The following CC2D2A variants were observed in gnomAD, a reference collection of about 807,000 sequenced individuals.
CC2D2A encodes the protein coiled-coil and C2 domain-containing protein 2A.
A neutral mutation model predicts 212.9 loss-of-function variants in CC2D2A; 155 were observed. The observed-to-expected ratio is 0.73, with a 90% CI of 0.64 to 0.83. The LOEUF (loss-of-function observed/expected upper bound fraction) is 0.83, where lower values mean the gene tolerates loss of function less well. Ranked by LOEUF, CC2D2A falls within the 40% of genes least tolerant of loss-of-function variation. The probability of loss-of-function intolerance (pLI) is 0.00; values close to 1 mark genes in which losing one functional copy is unlikely to be tolerated. For missense variants in CC2D2A, 1,856 were observed against 1,956.2 expected, an observed-to-expected ratio of 0.95 and a Z score of 0.97; for synonymous variants, 667 against 686.5, an observed-to-expected ratio of 0.97 and a Z score of 0.44.
chr4:15,493,245 A>ATTAT (rs58220743), intron 4 of CC2D2A, among the ~76,000 whole-genome samples: 11,337 of 148,282 alleles, frequency 0.076, 753 homozygotes, highest in East Asian at 0.26. Flanking sequence ...CACTTTATTT[A>ATTAT]TTATTTATTT....
intron 3 of CC2D2A, chr4:15,479,071 G>C (rs1276713986): frequency 2.9e-6 from 2 of 699,428 alleles, no homozygotes; most frequent in Non-Finnish European, 5.1e-6. Context: ...CATCTCCTGA[G>C]AGAGGACTCT....
chr4:15,599,875 T>C (rs1721505650), intron 36 of CC2D2A, among the ~76,000 whole-genome samples, 169 bp downstream of exon 36: 2 of 152,122 alleles, frequency 1.3e-5, no homozygotes, highest in Admixed American at 1.3e-4. Flanking sequence ...TCAATAATCA[T>C]GAAATAGCAA....
intron 33 of CC2D2A, among the ~76,000 whole-genome samples, chr4:15,595,468 C>A (rs781198495): frequency 3.9e-5 from 6 of 152,158 alleles, no homozygotes; most frequent in Admixed American, 6.5e-5. Context: ...AGGCATTTTT[C>A]TAAGAGGTAC....
rs1008514114 is a variant in CC2D2A, at chr4:15,536,996, G to A, written c.1684G>A (p.Glu562Lys). The A allele has an allele frequency of 2.4e-5, 39 of 1,613,682 alleles. No homozygotes were observed. Among genetic ancestry groups the A allele is most frequent in the Non-Finnish European group, 3.1e-5 (37 of 1,179,772 alleles). The stretch of plus-strand genomic sequence containing the variant: ...AGCTGAAATAAGTGAACTGTTAGAA[G>A]AGCACACGGAGGAGTACGCACAGAA... ...IQAEISELLE[E>K]HTEEYAQKME... is the part of the protein sequence containing the mutation. Residue 562 changes from glutamate (E) to lysine (K), a missense_variant, in exon 15 of 37, where the codon GAG becomes AAG. By Grantham distance (56) the Glu-to-Lys change is moderately conservative. Transcript: ENST00000424120.
At chr4:15,581,013 C>T (rs1720637432) in intron 30 of CC2D2A, among the ~76,000 whole-genome samples, 1 of 152,200 alleles carries the variant, frequency 6.6e-6, no homozygotes, top group Admixed American at 6.5e-5. Flanking sequence ...ATACCCATCA[C>T]AAACTTGTGT....
intron 17 of CC2D2A, among the ~76,000 whole-genome samples, chr4:15,545,001 T>C (rs572883098): frequency 1.3e-5 from 2 of 152,346 alleles, no homozygotes; most frequent in South Asian, 2.1e-4. Flanking sequence ...TCTTAAGCTA[T>C]TTAAAGGGAT....
rs112500508 is a variant in CC2D2A, at chr4:15,482,699, C to A, written c.247+1872C>A. Among the ~76,000 whole-genome samples, 905 of 152,208 alleles carry A rather than the reference C, an allele frequency of 5.9e-3. 10 individuals carry two copies. The highest frequency in any genetic ancestry group is 0.021 in the African/African-American group (859 of 41,510). On this transcript the variant is annotated intron_variant, in intron 4 of 36. Transcript: ENST00000424120. ...AACATACAGATTTTCAGAGGGGGGACACAATTCAGTCCTTAGCACAACTAC... is the reference window on the plus strand; with the variant it reads ...AACATACAGATTTTCAGAGGGGGGAAACAATTCAGTCCTTAGCACAACTAC...
intron 33 of CC2D2A, among the ~76,000 whole-genome samples, chr4:15,591,509 G>A (rs557933110): frequency 5.3e-5 from 8 of 152,230 alleles, no homozygotes; most frequent in Admixed American, 1.3e-4. Context: ...GTGAGCCACC[G>A]TGCCCAGCCC....
intron 24 of CC2D2A, 72 bp downstream of exon 24, chr4:15,563,594 T>C: frequency 6.8e-7 from 1 of 1,472,100 alleles, no homozygotes; most frequent in Non-Finnish European, 9.3e-7. Flanking sequence ...CTTTACAGCA[T>C]ACTCACTCTC....
At chr4:15,474,059 G>A (rs2108963089) in intron 1 of CC2D2A, among the ~76,000 whole-genome samples, 1 of 152,266 alleles carries the variant, frequency 6.6e-6, no homozygotes, top group African/African-American at 2.4e-5. Flanking sequence ...CATGCAGATG[G>A]TATTTAAAAC....
Position 15,560,429 on chromosome 4 carries a change from G to C in CC2D2A, c.2923-102G>C, listed in dbSNP as rs1461517974. ...AAAGTAACAGTTGGGCTGGAGGACT[G>C]GGGGGACACTGAGATGACATTAGGG... On this transcript the variant is annotated intron_variant, in intron 22 of 36. Coordinates refer to ENST00000424120, the MANE Select transcript of CC2D2A (RefSeq NM_001378615.1). The C allele has an allele frequency of 5.0e-5, 31 of 614,070 alleles. 1 individual carries two copies. The South Asian group carries it at 6.1e-4, about 12-fold the overall frequency. The allele number at this position is 614,070 out of a possible 1,614,324, so 38.0% of individuals were successfully genotyped here.
intron 18 of CC2D2A, among the ~76,000 whole-genome samples, chr4:15,551,967 T>C (rs1427984316): frequency 6.6e-6 from 1 of 152,226 alleles, no homozygotes; most frequent in African/African-American, 2.4e-5. Flanking sequence ...GGTAGTCTTG[T>C]AACCTCTTTG....
intron 4 of CC2D2A, among the ~76,000 whole-genome samples, chr4:15,499,097 G>A (rs193198388): frequency 6.6e-6 from 1 of 152,306 alleles, no homozygotes; most frequent in Non-Finnish European, 1.5e-5. Flanking sequence ...GTGGTTGCCA[G>A]AAAGTAGAGG....
At chr4:15,511,456 G>A (rs1254115547) in intron 8 of CC2D2A, 33 bp downstream of exon 8, 1 of 1,475,846 alleles carries the variant, frequency 6.8e-7, no homozygotes, top group Non-Finnish European at 8.9e-7. Flanking sequence ...TGAGGTGTGG[G>A]TGGAGGGCTA....
In CC2D2A at chr4:15,502,558, C is replaced by T. The variant is rs748797062; in HGVS notation, c.336+41C>T. On this transcript the variant is annotated intron_variant, in intron 5 of 36. Coordinates refer to ENST00000424120, the MANE Select transcript of CC2D2A (RefSeq NM_001378615.1). ...TGAATATTCTGTTCAGTGCTGATTG[C>T]AATCTTCCAGGGCTTGTCTAGCTTA... 1.4e-5 allele frequency: 21 copies of T among 1,511,968 alleles called. No individual in the cohort carries two copies. In the South Asian group the frequency reaches 2.6e-4, roughly 18 times the overall value. 93.7% of individuals were successfully genotyped at this position (1,511,968 alleles called of 1,614,324 possible).
At chr4:15,518,994 T>A (rs1463983300) in intron 11 of CC2D2A, among the ~76,000 whole-genome samples, 1 of 152,238 alleles carries the variant, frequency 6.6e-6, no homozygotes, top group Non-Finnish European at 1.5e-5. Flanking sequence ...TTCGGCTCCA[T>A]GTTACTTATG....
intron 22 of CC2D2A, among the ~76,000 whole-genome samples, chr4:15,559,558 A>G (rs1464654078): frequency 3.3e-5 from 5 of 152,208 alleles, no homozygotes; most frequent in African/African-American, 1.2e-4. Flanking sequence ...ATTGCGTTAC[A>G]ATGATTACCT....
At chr4:15,567,906 A>T in intron 26 of CC2D2A, 120 bp downstream of exon 26, 1 of 666,446 alleles carries the variant, frequency 1.5e-6, no homozygotes, top group Non-Finnish European at 2.5e-6. Context: ...AACAAGATCC[A>T]GGTGTCCTGA....
intron 11 of CC2D2A, among the ~76,000 whole-genome samples, chr4:15,518,579 CT>C (rs748060945): frequency 2.5e-4 from 38 of 152,250 alleles, no homozygotes; most frequent in Non-Finnish European, 4.6e-4. Context: ...GCACATTTCC[CT>C]TCTGCACTGC....
Sources: gnomAD v4.1 joint callset for allele counts (sites outside exome capture counted in the v4.1 genomes callset) on GRCh38, gnomAD v4.1.1 for gene constraint, MANE v1.5 for transcripts, NCBI Gene and HGNC (gene_info 2026-07-23, HGNC 2026-07-21) for gene names.